The following CSMD1 variants were observed in gnomAD, a reference collection of about 807,000 sequenced individuals.
The protein encoded by CSMD1 is CUB and sushi domain-containing protein 1.
A neutral mutation model predicts 417.5 loss-of-function variants in CSMD1; 213 were observed. That is an observed-to-expected ratio of 0.51 (90% CI 0.46 to 0.57). The LOEUF (loss-of-function observed/expected upper bound fraction) is 0.57, where lower values mean the gene tolerates loss of function less well. Ranked by LOEUF, CSMD1 falls within the 20% of genes least tolerant of loss-of-function variation. The pLI is 0.00. For missense variants in CSMD1, 6,923 were observed against 4,529.7 expected (o/e 1.53, Z -15.17); for synonymous variants, 2,862 against 1,736.8 (o/e 1.65, Z -16.11).
At chr8:3,302,578 A>T (rs1164360902) in intron 25 of CSMD1, among the ~76,000 whole-genome samples, 1 of 152,210 alleles carries the variant, frequency 6.6e-6, no homozygotes, top group Non-Finnish European at 1.5e-5. Flanking sequence ...CATCAAGTGC[A>T]CTGATCACTG....
chr8:3,993,923 G>C lies in CSMD1; in HGVS notation c.818+3980C>G, dbSNP rs144768683. 1.7e-3 allele frequency among the ~76,000 whole-genome samples: 255 copies of C among 152,252 alleles called. 1 individual carries two copies. The highest frequency in any genetic ancestry group is 9.5e-3 in the East Asian group (49 of 5,150). On this transcript the variant is annotated intron_variant, in intron 5 of 69. Coordinates refer to ENST00000635120, the MANE Select transcript of CSMD1 (RefSeq NM_033225.6). The stretch of plus-strand genomic sequence containing the variant: ...GATTTCCACGTGGAAACGTGCAGCT[G>C]AACAAATGCACCAGGGATGAAAACG...
intron 1 of CSMD1, among the ~76,000 whole-genome samples, chr8:4,870,820 C>A (rs1324223873): frequency 6.6e-6 from 1 of 152,152 alleles, no homozygotes; most frequent in Non-Finnish European, 1.5e-5. Flanking sequence ...GCGAGGAGTG[C>A]ATTTGCTGGC....
At chr8:3,487,198 C>G (rs1402109220) in intron 11 of CSMD1, among the ~76,000 whole-genome samples, 1 of 47,944 alleles carries the variant, frequency 2.1e-5, no homozygotes. Context: ...TATCAGCATA[C>G]TTTTTTATTT....
At chr8:4,234,402 C>T (rs980802088) in intron 3 of CSMD1, among the ~76,000 whole-genome samples, 5 of 152,086 alleles carry the variant, frequency 3.3e-5, no homozygotes, top group Non-Finnish European at 7.4e-5. Context: ...ATTCCTGAAC[C>T]ACCTCAGTCT....
At chr8:4,723,645 T>C (rs1466210487) in intron 1 of CSMD1, among the ~76,000 whole-genome samples, 2 of 152,092 alleles carry the variant, frequency 1.3e-5, no homozygotes, top group African/African-American at 4.8e-5. Context: ...GCTAATGACC[T>C]TACATATGTA....
chr8:3,469,136 G>C (rs191200772), intron 11 of CSMD1: 43 of 236,634 alleles, frequency 1.8e-4, no homozygotes, highest in Admixed American at 1.6e-3. Context: ...GAATTACAAT[G>C]TTACAACTGG....
intron 3 of CSMD1, among the ~76,000 whole-genome samples, chr8:4,315,705 T>C (rs978696992): frequency 6.6e-6 from 1 of 152,194 alleles, no homozygotes; most frequent in Non-Finnish European, 1.5e-5. Flanking sequence ...TGAAGTCATA[T>C]TTGTAGGTAT....
At chr8:4,473,815 G>C (rs1239591054) in intron 2 of CSMD1, among the ~76,000 whole-genome samples, 1 of 152,112 alleles carries the variant, frequency 6.6e-6, no homozygotes, top group Non-Finnish European at 1.5e-5. Context: ...GAAAAATAGA[G>C]ATAGAATTGT....
chr8:3,313,346 G>C (rs932082331), intron 23 of CSMD1, among the ~76,000 whole-genome samples: 2 of 152,074 alleles, frequency 1.3e-5, no homozygotes, highest in Non-Finnish European at 2.9e-5. Flanking sequence ...TACAGAAAGG[G>C]AGAAAATTTT....
intron 3 of CSMD1, among the ~76,000 whole-genome samples, chr8:4,226,104 A>G (rs1459230145): frequency 6.8e-6 from 1 of 147,214 alleles, no homozygotes; most frequent in Non-Finnish European, 1.5e-5. Flanking sequence ...ACACACACAC[A>G]CACGCCAACA....
At chr8:3,503,490 G>A (rs1298136652) in intron 10 of CSMD1, among the ~76,000 whole-genome samples, 2 of 152,252 alleles carry the variant, frequency 1.3e-5, no homozygotes, top group Non-Finnish European at 2.9e-5. Flanking sequence ...GGCATCAGCT[G>A]GCAGGAAGCC....
intron 4 of CSMD1, among the ~76,000 whole-genome samples, chr8:4,023,574 G>A (rs1796894851): frequency 7.0e-6 from 1 of 142,430 alleles, no homozygotes; most frequent in South Asian, 2.3e-4. Context: ...AATGCTTACT[G>A]CTTTTCAACT....
intron 3 of CSMD1, among the ~76,000 whole-genome samples, chr8:4,291,523 A>C (rs892528927): frequency 6.6e-6 from 1 of 152,200 alleles, no homozygotes; most frequent in Non-Finnish European, 1.5e-5. Context: ...TTCGGAAAGT[A>C]CATTTTGATT....
chr8:3,498,399 T>G (rs972925006), intron 10 of CSMD1, among the ~76,000 whole-genome samples: 4 of 152,210 alleles, frequency 2.6e-5, no homozygotes, highest in African/African-American at 7.2e-5. Context: ...TTCTTTTTCT[T>G]GGGAAAATTA....
chr8:3,108,853 CAT>C, intron 43 of CSMD1, 105 bp from the exon 44 acceptor site: 1 of 1,111,596 alleles, frequency 9.0e-7, no homozygotes, highest in South Asian at 1.6e-5. Flanking sequence ...AGCAATAAAA[CAT>C]ATGCATTCTC....
intron 2 of CSMD1, among the ~76,000 whole-genome samples, chr8:4,522,081 G>C (rs1005735193): frequency 2.0e-5 from 3 of 152,136 alleles, no homozygotes; most frequent in East Asian, 1.9e-4. Context: ...TAGAATTGTA[G>C]CTCCCATGAT....
rs144856666 is a variant in CSMD1 at position 4,562,237 on chromosome 8, T to C, written c.302+75105A>G. 6.6e-5 allele frequency among the ~76,000 whole-genome samples: 10 copies of C among 151,540 alleles called. No individual in the cohort carries two copies. The East Asian group carries it at 2.0e-3, about 30-fold the overall frequency. On this transcript the variant is annotated intron_variant, in intron 2 of 69. Transcript: ENST00000635120. ...TCCTGGAAGAAACGACACACCGGTG[T>C]TCCACACGGGAAATACACAGGCATC...
At chr8:4,751,872 G>C (rs371492628) in intron 1 of CSMD1, among the ~76,000 whole-genome samples, 2 of 152,246 alleles carry the variant, frequency 1.3e-5, no homozygotes, top group Admixed American at 1.3e-4. Flanking sequence ...GTGCAGTTTA[G>C]TTTCCAATTA....
rs542410540 is a variant in CSMD1, at chr8:3,571,498, G to C, written c.1344+3447C>G. Reference sequence around the variant, plus strand: ...AGCAGAGATTTACCAAGACTCCTCTGCGACAGAAGCAAGAATGCTCACCTG... The same window carrying C: ...AGCAGAGATTTACCAAGACTCCTCTCCGACAGAAGCAAGAATGCTCACCTG... On this transcript the variant is annotated intron_variant, in intron 10 of 69. Coordinates refer to ENST00000635120, the MANE Select transcript of CSMD1 (RefSeq NM_033225.6). 3.9e-5 allele frequency among the ~76,000 whole-genome samples: 6 copies of C among 152,288 alleles called. No homozygotes were observed. The East Asian group carries it at 9.7e-4, about 25-fold the overall frequency.
Sources: gnomAD v4.1 joint callset for allele counts (sites outside exome capture counted in the v4.1 genomes callset) on GRCh38, gnomAD v4.1.1 for gene constraint, MANE v1.5 for transcripts, NCBI Gene and HGNC (gene_info 2026-07-23, HGNC 2026-07-21) for gene names.